Variants in ERC1 observed in about 807,000 individuals in gnomAD.
The protein encoded by ERC1 is ELKS/RAB6-interacting/CAST family member 1, also known as RAB6 interacting protein 2.
ERC1 carries 56 observed loss-of-function variants against 132.0 expected under a neutral mutation model. That is an observed-to-expected ratio of 0.42 (90% CI 0.34 to 0.53). The LOEUF (loss-of-function observed/expected upper bound fraction) is 0.53, where lower values mean the gene tolerates loss of function less well. Ranked by LOEUF, ERC1 falls within the 20% of genes least tolerant of loss-of-function variation. The probability of loss-of-function intolerance (pLI) is 0.03; values close to 1 mark genes in which losing one functional copy is unlikely to be tolerated. For synonymous variants in ERC1, 478 were observed against 476.1 expected, an observed-to-expected ratio of 1.00 and a Z score of -0.05; for missense variants, 1,202 against 1,349.9, an observed-to-expected ratio of 0.89 and a Z score of 1.72.
At chr12:1,021,654 G>A (rs182802714) in intron 1 of ERC1, among the ~76,000 whole-genome samples, 6 of 148,598 alleles carry the variant, frequency 4.0e-5, no homozygotes, top group South Asian at 2.1e-4. Flanking sequence ...AGCCCAGATC[G>A]CACCACTGCA....
At chr12:1,195,141 G>A (rs1014021230) in intron 12 of ERC1, among the ~76,000 whole-genome samples, 1 of 152,022 alleles carries the variant, frequency 6.6e-6, no homozygotes, top group African/African-American at 2.4e-5. Context: ...ACAATAAAAT[G>A]CACCCATTTT....
At chr12:1,294,677 T>G (rs1246460752) in intron 15 of ERC1, among the ~76,000 whole-genome samples, 3 of 152,212 alleles carry the variant, frequency 2.0e-5, no homozygotes, top group African/African-American at 7.2e-5. Context: ...TATAAATGAA[T>G]CATTTAAAAG....
rs77248530 is a variant in ERC1 at position 1,160,979 on chromosome 12, A to T, written c.1737+19192A>T. Among the ~76,000 whole-genome samples the T allele has an allele frequency of 6.6e-5, 10 of 152,332 alleles. 1 individual carries two copies. Among genetic ancestry groups the T allele is most frequent in the African/African-American group, 1.7e-4 (7 of 41,578 alleles). On this transcript the variant is annotated intron_variant, in intron 8 of 18. Coordinates refer to ENST00000360905, the MANE Select transcript of ERC1 (RefSeq NM_178040.4). ...ACATATTTTCCTAGCGTTCTAAGCA[A>T]TGTATGCACTGGAATAGTCTTTGCT... is the stretch of plus-strand genomic sequence containing the variant.
chr12:1,236,795 T>C lies in ERC1; in HGVS notation c.2378T>C (p.Val793Ala), dbSNP rs1425068039. 2 of 1,613,624 alleles carry C rather than the reference T, an allele frequency of 1.2e-6. No individual in the cohort carries two copies. Among genetic ancestry groups the C allele is most frequent in the South Asian group, 2.2e-5 (2 of 91,046 alleles). The change falls in exon 13 of 19, where the codon GTA (valine) becomes GCA (alanine). Residue 793 changes from valine (V) to alanine (A), a missense_variant. Physicochemically the swap from Val to Ala is moderately conservative, Grantham distance 64 (BLOSUM62 0). Transcript: ENST00000360905. ...ERQVKDQNKK[V>A]ANLKHKEQVE... is the part of the protein sequence containing the mutation. ...CAAGTGAAAGACCAGAATAAGAAGGTAGCAAATCTGAAGCACAAGGAACAG... is the reference window on the plus strand; with the variant it reads ...CAAGTGAAAGACCAGAATAAGAAGGCAGCAAATCTGAAGCACAAGGAACAG...
rs1450817450 is a variant in ERC1 at position 1,233,492 on chromosome 12, A to AG, written c.2352-3277_2352-3276insG. On this transcript the variant is annotated intron_variant, in intron 12 of 18. Transcript: ENST00000360905. ...TCTCAAAAAAAAAAAAAAAAAAAAA[A>AG]AGAGTAAGAAAACCAGACATTATAT... Among the ~76,000 whole-genome samples, 78 of 151,064 alleles carry AG rather than the reference A, an allele frequency of 5.2e-4. 1 individual carries two copies. The East Asian group carries it at 0.013, about 25-fold the overall frequency.
rs1594137215 is a variant in ERC1, at chr12:1,196,844, G to GTCTGTC, written c.2351+6796_2351+6801dup. Among the ~76,000 whole-genome samples the GTCTGTC allele has an allele frequency of 4.2e-4, 22 of 52,870 alleles. 1 individual carries two copies. The highest frequency in any genetic ancestry group is 3.5e-3 in the Admixed American group (20 of 5,706). 34.7% of individuals were successfully genotyped at this position (52,870 alleles called of 152,430 possible). A position where few individuals can be genotyped will look rare whatever the true frequency, so the allele number is the denominator to read the frequency against. On this transcript the variant is annotated intron_variant, in intron 12 of 18. Coordinates refer to ENST00000360905, the MANE Select transcript of ERC1 (RefSeq NM_178040.4). ...TCTCTCTCTCTCTGTCTGTCTCTCT[G>GTCTGTC]TCTGTCTCTCTCTCACTCTCTCTCT...
At chr12:1,018,613 A>G (rs1246754332) in intron 1 of ERC1, among the ~76,000 whole-genome samples, 1 of 152,230 alleles carries the variant, frequency 6.6e-6, no homozygotes, top group Non-Finnish European at 1.5e-5. Flanking sequence ...TTTAGATTAC[A>G]TTTAGTTGCA....
At chr12:1,225,449 T>TAAAACACACAC (rs139203394) in intron 12 of ERC1, among the ~76,000 whole-genome samples, 2,766 of 131,786 alleles carry the variant, frequency 0.021, 93 homozygotes, top group African/African-American at 0.063. Flanking sequence ...GGCTGTCTCT[T>TAAAACACACAC]ACACACACAC....
At chr12:1,226,444 T>C (rs536123149) in intron 12 of ERC1, among the ~76,000 whole-genome samples, 23 of 152,320 alleles carry the variant, frequency 1.5e-4, no homozygotes, top group African/African-American at 5.3e-4. Flanking sequence ...ACCCTTAAGA[T>C]CTGCTCTTAG....
chr12:1,293,467 A>G (rs2079637239), intron 15 of ERC1, among the ~76,000 whole-genome samples: 1 of 119,954 alleles, frequency 8.3e-6, no homozygotes, highest in African/African-American at 3.1e-5. Context: ...AACAACAACA[A>G]CAACAACAAC....
At chr12:1,444,954 TG>T in intron 18 of ERC1, 1 of 327,588 alleles carries the variant, frequency 3.1e-6, no homozygotes, top group Non-Finnish European at 5.5e-6. Flanking sequence ...ATTTGGGGGG[TG>T]GGGAGGGGTT....
At chr12:1,376,522 A>T (rs997022545) in intron 16 of ERC1, among the ~76,000 whole-genome samples, 2 of 152,230 alleles carry the variant, frequency 1.3e-5, no homozygotes, top group African/African-American at 4.8e-5. Flanking sequence ...CGCAGGGCAC[A>T]GGGGCTTTAC....
At chr12:1,178,186 T>G (rs573567105) in intron 8 of ERC1, among the ~76,000 whole-genome samples, 1 of 152,322 alleles carries the variant, frequency 6.6e-6, no homozygotes, top group African/African-American at 2.4e-5. Flanking sequence ...TCTTCTTGAC[T>G]CTAGAGAGGT....
chr12:1,019,573 G>A (rs1966023411), intron 1 of ERC1, among the ~76,000 whole-genome samples: 1 of 152,194 alleles, frequency 6.6e-6, no homozygotes, highest in Admixed American at 6.5e-5. Flanking sequence ...ATCCTTTTAT[G>A]GAAATAGTTT....
At chr12:1,324,088 A>G (rs2082290398) in intron 15 of ERC1, among the ~76,000 whole-genome samples, 1 of 152,176 alleles carries the variant, frequency 6.6e-6, no homozygotes, top group African/African-American at 2.4e-5. Flanking sequence ...CTTTAGAGGA[A>G]TATCTAATGT....
At chr12:1,218,632 C>T (rs74057300) in intron 12 of ERC1, among the ~76,000 whole-genome samples, 6,414 of 152,062 alleles carry the variant, frequency 0.042, 459 homozygotes, top group African/African-American at 0.15. Flanking sequence ...TCCATGGCCC[C>T]ATCTTAACTT....
At chr12:1,215,622 G>A (rs1178558155) in intron 12 of ERC1, among the ~76,000 whole-genome samples, 1 of 152,068 alleles carries the variant, frequency 6.6e-6, no homozygotes, top group East Asian at 1.9e-4. Flanking sequence ...TGGAGATGAA[G>A]GAATCAGTTC....
chr12:1,342,455 C>T (rs2083998777), intron 15 of ERC1, among the ~76,000 whole-genome samples: 4 of 132,746 alleles, frequency 3.0e-5, no homozygotes, highest in South Asian at 2.4e-4. Flanking sequence ...CGACAAAGAG[C>T]GAAACTCTGT....
chr12:1,004,838 GTGTGTGTGTGTA>G (rs1315049154), intron 1 of ERC1, among the ~76,000 whole-genome samples: 20 of 89,532 alleles, frequency 2.2e-4, no homozygotes, highest in African/African-American at 6.1e-4. Context: ...GTGTGTGTGT[GTGTGTGTGTGTA>G]TAAATTTTTT....
Sources: allele counts gnomAD v4.1 joint callset (sites outside exome capture counted in the v4.1 genomes callset), GRCh38; gene constraint gnomAD v4.1.1; transcripts MANE v1.5; gene names NCBI Gene and HGNC (gene_info 2026-07-23, HGNC 2026-07-21).